Variants in LEF1 observed in about 807,000 individuals in gnomAD.
LEF1 encodes lymphoid enhancer binding factor 1, also known as lymphoid enhancer-binding factor 1.
In LEF1, 14 loss-of-function variants were observed where a neutral mutation model predicts 51.2. That is an observed-to-expected ratio of 0.27 (90% CI 0.18 to 0.43). LEF1 has a LOEUF of 0.43. Ranked by LOEUF, LEF1 falls within the 20% of genes least tolerant of loss-of-function variation. LEF1 has a pLI of 1.00. For missense variants in LEF1, 386 were observed against 512.0 expected, an observed-to-expected ratio of 0.75 and a Z score of 2.37; for synonymous variants, 185 against 183.2, an observed-to-expected ratio of 1.01 and a Z score of -0.08.
At chr4:108,054,972 A>G (rs1251705235) in intron 11 of LEF1, among the ~76,000 whole-genome samples, 1 of 152,254 alleles carries the variant, frequency 6.6e-6, no homozygotes, top group Admixed American at 6.5e-5. Context: ...TCTGGCTCTC[A>G]GTAACATGGT....
At position 108,167,773 on chromosome 4, in the gene LEF1, C is replaced by T. The variant is rs754726952; in HGVS notation, c.-6G>A. ...CCTCCGGAGAGTTGGGGCATCCCGGCGGCTCTGTAATCTCCGCTCCGCTGT... is the reference window on the plus strand; with the variant it reads ...CCTCCGGAGAGTTGGGGCATCCCGGTGGCTCTGTAATCTCCGCTCCGCTGT... On this transcript the variant is annotated 5_prime_UTR_variant, in exon 1 of 12. Transcript: ENST00000265165. The surrounding 1 kb of genome is among the most constrained non-coding windows in gnomAD (Gnocchi z 5.7). 2 of 1,610,584 alleles carry T rather than the reference C, an allele frequency of 1.2e-6. No individual in the cohort carries two copies. The highest frequency in any genetic ancestry group is 1.9e-4 in the Middle Eastern group (1 of 5,384).
intron 3 of LEF1, among the ~76,000 whole-genome samples, chr4:108,154,613 A>G (rs774801523): frequency 6.6e-6 from 1 of 152,172 alleles, no homozygotes; most frequent in African/African-American, 2.4e-5. Flanking sequence ...CTGACTGGTC[A>G]GCCCAACTGT....
chr4:108,097,368 T>G (rs1473690491), intron 3 of LEF1, among the ~76,000 whole-genome samples: 1 of 152,236 alleles, frequency 6.6e-6, no homozygotes, highest in Non-Finnish European at 1.5e-5. Context: ...CTCACTCATT[T>G]GTGAGAGCTA....
rs751307992 is a variant in LEF1, at chr4:108,163,716, A to T, written c.281-15T>A. 1 of 1,611,904 alleles carries T rather than the reference A, an allele frequency of 6.2e-7. No homozygotes were observed. Among genetic ancestry groups the T allele is most frequent in the African/African-American group, 1.3e-5 (1 of 74,976 alleles). ...TGGATGCTTTCCTGGGAAGATCCAA[A>T]GAACAATCAATGATGCACTGACTTC... On this transcript the variant is annotated splice_polypyrimidine_tract_variant and intron_variant, in intron 2 of 11. Transcript: ENST00000265165.
intron 3 of LEF1, among the ~76,000 whole-genome samples, chr4:108,104,223 A>C (rs7665304): frequency 0.53 from 79,599 of 151,390 alleles, 21,577 homozygotes; most frequent in Middle Eastern, 0.71. Context: ...ATAGTAACAA[A>C]GTAGATGAGG....
chr4:108,102,252 G>T (rs1011968275), intron 3 of LEF1, among the ~76,000 whole-genome samples: 13 of 152,142 alleles, frequency 8.5e-5, no homozygotes, highest in Non-Finnish European at 1.6e-4. Context: ...TTAAGACACA[G>T]AGCAGGAGCA....
intron 3 of LEF1, among the ~76,000 whole-genome samples, chr4:108,108,533 T>G (rs1205118505): frequency 6.6e-6 from 1 of 152,140 alleles, no homozygotes; most frequent in Non-Finnish European, 1.5e-5. Flanking sequence ...ATAAATTATA[T>G]TAAAATGTGG....
At chr4:108,071,434 G>A (rs1257566011) in intron 8 of LEF1, among the ~76,000 whole-genome samples, 2 of 152,090 alleles carry the variant, frequency 1.3e-5, no homozygotes, top group Non-Finnish European at 2.9e-5. Flanking sequence ...CCTTCTGATG[G>A]ACAGCACGGG....
chr4:108,102,198 T>C (rs908954373), intron 3 of LEF1, among the ~76,000 whole-genome samples: 2 of 152,090 alleles, frequency 1.3e-5, no homozygotes, highest in African/African-American at 2.4e-5. Context: ...TGAAAGAACA[T>C]AAATGGTAAT....
rs1389295709 is a variant in LEF1, at chr4:108,099,566, GTGTGTATATA to G, written c.415-10319_415-10310del. 4.5e-3 allele frequency among the ~76,000 whole-genome samples: 329 copies of G among 72,872 alleles called. 26 individuals are homozygous for G. Among genetic ancestry groups the G allele is most frequent in the Middle Eastern group, 0.016 (2 of 126 alleles). 47.8% of individuals were successfully genotyped at this position (72,872 alleles called of 152,430 possible). On this transcript the variant is annotated intron_variant, in intron 3 of 11. Coordinates refer to ENST00000265165, the MANE Select transcript of LEF1 (RefSeq NM_016269.5). Reference sequence around the variant, plus strand: ...TATGTGTGTGTGTGTATGTGTGTGTGTGTGTATATATATATATATATATATATATATATAT... The same window carrying G: ...TATGTGTGTGTGTGTATGTGTGTGTGTATATATATATATATATATATATAT...
chr4:108,053,943 T>G (rs1737164615), intron 11 of LEF1, among the ~76,000 whole-genome samples: 1 of 152,182 alleles, frequency 6.6e-6, no homozygotes, highest in Admixed American at 6.5e-5. Flanking sequence ...TCTCTCACAC[T>G]AAAGATGTTA....
intron 11 of LEF1, among the ~76,000 whole-genome samples, chr4:108,049,206 C>T (rs1172543598): frequency 6.6e-6 from 1 of 152,202 alleles, no homozygotes; most frequent in African/African-American, 2.4e-5. Flanking sequence ...ACCCAACGCA[C>T]TGCCAACTCC....
chr4:108,124,369 T>A (rs931404942), intron 3 of LEF1, among the ~76,000 whole-genome samples: 1 of 150,018 alleles, frequency 6.7e-6, no homozygotes, highest in Admixed American at 6.6e-5. Context: ...AACAGATACA[T>A]GAACATTTTT....
intron 8 of LEF1, among the ~76,000 whole-genome samples, chr4:108,077,769 C>T (rs1216346477): frequency 6.6e-6 from 1 of 152,278 alleles, no homozygotes; most frequent in Non-Finnish European, 1.5e-5. Flanking sequence ...TGCCCGGCCT[C>T]TGTGCAACCC....
chr4:108,121,802 G>T (rs1742194838), intron 3 of LEF1, among the ~76,000 whole-genome samples: 1 of 152,100 alleles, frequency 6.6e-6, no homozygotes, highest in African/African-American at 2.4e-5. Context: ...TTTATTTGCT[G>T]GTATAACTAC....
At chr4:108,105,327 T>A (rs1741095765) in intron 3 of LEF1, among the ~76,000 whole-genome samples, 1 of 151,918 alleles carries the variant, frequency 6.6e-6, no homozygotes, top group Admixed American at 6.6e-5. Flanking sequence ...ACTACAGACG[T>A]GTGCCACCAC....
chr4:108,097,921 A>G (rs1740499697), intron 3 of LEF1, among the ~76,000 whole-genome samples: 1 of 152,174 alleles, frequency 6.6e-6, no homozygotes, highest in South Asian at 2.1e-4. Flanking sequence ...AGAAGTCAGG[A>G]GCAAAAGCTT....
chr4:108,130,564 CAAA>C (rs113815125), intron 3 of LEF1, among the ~76,000 whole-genome samples: 1 of 98,796 alleles, frequency 1.0e-5, no homozygotes, highest in Non-Finnish European at 2.2e-5. Context: ...ACTAAAAATA[CAAA>C]AAAAAAAAAA....
chr4:108,151,562 T>C (rs1744359845), intron 3 of LEF1, among the ~76,000 whole-genome samples: 1 of 152,168 alleles, frequency 6.6e-6, no homozygotes, highest in Non-Finnish European at 1.5e-5. Context: ...TTGACCTGTT[T>C]ACAGTCGTCC....
Sources: allele counts gnomAD v4.1 joint callset (sites outside exome capture counted in the v4.1 genomes callset), GRCh38; gene constraint gnomAD v4.1.1; non-coding constraint Gnocchi (gnomAD v3.1); transcripts MANE v1.5; gene names NCBI Gene and HGNC (gene_info 2026-07-23, HGNC 2026-07-21).